The following UBR2 variants were observed in gnomAD, a reference collection of about 807,000 sequenced individuals.
UBR2 encodes the protein ubiquitin protein ligase E3 component n-recognin 2.
Under a neutral mutation model 247.9 loss-of-function variants are expected in UBR2, and 92 were observed. The ratio of observed to expected loss-of-function variants is 0.37; its 90% CI spans 0.31 to 0.44. The LOEUF is 0.44. Ranked by LOEUF, UBR2 falls within the 20% of genes least tolerant of loss-of-function variation. UBR2 has a pLI of 1.00. For missense variants in UBR2, 1,613 were observed against 2,112.6 expected, an observed-to-expected ratio of 0.76 and a Z score of 4.64; for synonymous variants, 672 against 693.5, an observed-to-expected ratio of 0.97 and a Z score of 0.49.
At chr6:42,657,234 CAAAAA>C (rs35892798) in intron 26 of UBR2, among the ~76,000 whole-genome samples, 1 of 87,988 alleles carries the variant, frequency 1.1e-5, no homozygotes. Flanking sequence ...GACTCTGTCT[CAAAAA>C]AAAAAAAAAA....
chr6:42,613,404 G>A (rs1239386826), intron 8 of UBR2, among the ~76,000 whole-genome samples: 6 of 152,240 alleles, frequency 3.9e-5, no homozygotes, highest in South Asian at 4.2e-4. Context: ...AAGAGAACGC[G>A]TTTACTTTAA....
intron 25 of UBR2, among the ~76,000 whole-genome samples, chr6:42,654,918 G>GGA (rs1562364553): frequency 6.6e-6 from 1 of 152,188 alleles, no homozygotes; most frequent in East Asian, 1.9e-4. Flanking sequence ...ATTAGGTAGT[G>GGA]TCATAGACTG....
intron 4 of UBR2, among the ~76,000 whole-genome samples, chr6:42,595,027 A>G (rs560123176): frequency 6.6e-6 from 1 of 152,310 alleles, no homozygotes; most frequent in East Asian, 1.9e-4. Context: ...ATAATTGTAC[A>G]TATTTATGGG....
intron 36 of UBR2, 146 bp from the exon 37 acceptor site, chr6:42,673,645 G>A: frequency 1.7e-6 from 1 of 595,968 alleles, no homozygotes; most frequent in Non-Finnish European, 3.0e-6. Flanking sequence ...TCCTGTGTTA[G>A]AGGCATGTCA....
chr6:42,686,078 T>G (rs187430612), intron 44 of UBR2, among the ~76,000 whole-genome samples: 45 of 147,940 alleles, frequency 3.0e-4, no homozygotes, highest in Middle Eastern at 3.5e-3. Flanking sequence ...ATTTTGTATG[T>G]TTTTTTTTTA....
At chr6:42,626,279 AG>A (rs1795344723) in intron 11 of UBR2, among the ~76,000 whole-genome samples, 1 of 152,084 alleles carries the variant, frequency 6.6e-6, no homozygotes, top group Non-Finnish European at 1.5e-5. Context: ...TGATGATTTA[AG>A]GCTTAGGTTT....
intron 11 of UBR2, among the ~76,000 whole-genome samples, chr6:42,631,186 G>A (rs1430212927): frequency 6.6e-6 from 1 of 152,128 alleles, no homozygotes; most frequent in Non-Finnish European, 1.5e-5. Context: ...TTGTCACCCA[G>A]CATCAATAAC....
intron 16 of UBR2, among the ~76,000 whole-genome samples, chr6:42,641,068 T>A (rs187709693): frequency 3.9e-4 from 59 of 152,304 alleles, no homozygotes; most frequent in Non-Finnish European, 7.5e-4. Context: ...AAAAAATACC[T>A]TCATAGCAAC....
chr6:42,620,975 G>T (rs116614710), intron 11 of UBR2, among the ~76,000 whole-genome samples: 2,920 of 151,584 alleles, frequency 0.019, 77 homozygotes, highest in African/African-American at 0.066. Flanking sequence ...TGGCTATTTT[G>T]TTTGTTTGTT....
rs59248267 is a variant in UBR2 at position 42,659,520 on chromosome 6, T to TAC, written c.3243-95_3243-94dup. On this transcript the variant is annotated intron_variant, in intron 29 of 46. Coordinates refer to ENST00000372901, the MANE Select transcript of UBR2 (RefSeq NM_001363705.2). This position sits in a 1 kb window ranked among gnomAD's most constrained non-coding sequence, Gnocchi z 4.3. ...GTCTCAAAAAATAAATAAATATATATACACACACACACACACACACACACA... is the reference window on the plus strand; with the variant it reads ...GTCTCAAAAAATAAATAAATATATATACACACACACACACACACACACACACA... The TAC allele has an allele frequency of 4.5e-3, 2,278 of 502,820 alleles. 3 individuals are homozygous for TAC. The highest frequency in any genetic ancestry group is 8.2e-3 in the Middle Eastern group (15 of 1,838). 31.1% of individuals were successfully genotyped at this position (502,820 alleles called of 1,614,324 possible). A position where few individuals can be genotyped will look rare whatever the true frequency, so the allele number is the denominator to read the frequency against.
intron 29 of UBR2, 36 bp downstream of exon 29, chr6:42,658,860 G>A (rs1194422730): frequency 5.4e-6 from 8 of 1,490,120 alleles, no homozygotes; most frequent in South Asian, 2.8e-5. Context: ...ATGTCTTGAC[G>A]AGTTTTTCCC....
chr6:42,586,945 C>T (rs1250081883), intron 2 of UBR2, among the ~76,000 whole-genome samples: 3 of 151,284 alleles, frequency 2.0e-5, no homozygotes, highest in Non-Finnish European at 2.9e-5. Context: ...CTCAGCCTCC[C>T]GAGTAGCTGG....
chr6:42,566,996 C>T (rs1790819338), intron 1 of UBR2, among the ~76,000 whole-genome samples: 1 of 152,128 alleles, frequency 6.6e-6, no homozygotes, highest in African/African-American at 2.4e-5. Context: ...TTTTATCACA[C>T]ATTTAAATTA....
intron 14 of UBR2, among the ~76,000 whole-genome samples, chr6:42,636,732 T>G (rs1207471163): frequency 6.6e-6 from 1 of 152,082 alleles, no homozygotes; most frequent in African/African-American, 2.4e-5. Context: ...TGAGAGAAAC[T>G]TAGAAGATGA....
rs79951236 is a variant in UBR2, at chr6:42,648,203, T to C, written c.2462+33T>C. ...TACTTCCTATTATTTCACATTCTTT[T>C]TTACTTTTCCAGTACATTCATTTTT... is the stretch of plus-strand genomic sequence containing the variant. On this transcript the variant is annotated intron_variant, in intron 22 of 46. Coordinates refer to ENST00000372901, the MANE Select transcript of UBR2 (RefSeq NM_001363705.2). The C allele has an allele frequency of 2.8e-3, 4,438 of 1,588,892 alleles. 87 individuals are homozygous for C. In the African/African-American group the frequency reaches 0.054, roughly 19 times the overall value.
intron 11 of UBR2, among the ~76,000 whole-genome samples, chr6:42,630,404 T>C (rs1795640219): frequency 6.6e-6 from 1 of 152,012 alleles, no homozygotes. Flanking sequence ...CAAGCTAGTC[T>C]CGAACTCCTG....
intron 2 of UBR2, among the ~76,000 whole-genome samples, chr6:42,583,804 A>G (rs1390865289): frequency 6.6e-6 from 1 of 151,714 alleles, no homozygotes; most frequent in African/African-American, 2.4e-5. Flanking sequence ...GATTGCAGGC[A>G]TGAGCCACCG....
intron 43 of UBR2, among the ~76,000 whole-genome samples, chr6:42,683,948 TA>T (rs2151993992): frequency 6.6e-6 from 1 of 152,320 alleles, no homozygotes; most frequent in Non-Finnish European, 1.5e-5. Context: ...ACATCGTCCA[TA>T]AAAGTCAGAA....
chr6:42,630,429 A>G (rs1795642414), intron 11 of UBR2, among the ~76,000 whole-genome samples: 1 of 150,780 alleles, frequency 6.6e-6, no homozygotes, highest in South Asian at 2.1e-4. Flanking sequence ...TAGGTGATCC[A>G]CCCACCTCGG....
Sources: gnomAD v4.1 joint callset for allele counts (sites outside exome capture counted in the v4.1 genomes callset) on GRCh38, gnomAD v4.1.1 for gene constraint, Gnocchi (gnomAD v3.1) non-coding constraint, MANE v1.5 for transcripts, NCBI Gene and HGNC (gene_info 2026-07-23, HGNC 2026-07-21) for gene names.